The following RGS6 variants were observed in gnomAD, a reference collection of about 807,000 sequenced individuals.
The protein encoded by RGS6 is regulator of G protein signaling 6, also known as regulator of G-protein signaling 6.
In RGS6, 30 loss-of-function variants were observed where a neutral mutation model predicts 78.5. The observed-to-expected ratio is 0.38, with a 90% CI of 0.29 to 0.52. The LOEUF (loss-of-function observed/expected upper bound fraction) is 0.52, where lower values mean the gene tolerates loss of function less well. Ranked by LOEUF, RGS6 falls within the 20% of genes least tolerant of loss-of-function variation. The pLI, the probability that RGS6 is intolerant of heterozygous loss-of-function variation, is 0.85. For synonymous variants in RGS6, 206 were observed against 206.0 expected (o/e 1.00, Z 0.00); for missense variants, 495 against 609.7 (o/e 0.81, Z 1.98).
At chr14:72,382,775 A>T (rs1157491921) in intron 3 of RGS6, among the ~76,000 whole-genome samples, 1 of 152,228 alleles carries the variant, frequency 6.6e-6, no homozygotes, top group Non-Finnish European at 1.5e-5. Flanking sequence ...AGGCTTTAAC[A>T]AGGATACAAT....
chr14:72,041,858 G>T (rs890786449), intron 2 of RGS6, among the ~76,000 whole-genome samples: 3 of 152,082 alleles, frequency 2.0e-5, no homozygotes, highest in African/African-American at 7.2e-5. Context: ...CACCTCCCAG[G>T]AAGATCAAAT....
At chr14:72,589,382 T>C in the RGS6 span, among the ~76,000 whole-genome samples, 1 of 152,076 alleles carries the variant, frequency 6.6e-6, no homozygotes, top group Non-Finnish European at 1.5e-5. Context: ...AAACCCCGTC[T>C]CTACAAAAAA....
At chr14:71,991,230 T>G (rs1008411320) in intron 2 of RGS6, among the ~76,000 whole-genome samples, 1 of 152,216 alleles carries the variant, frequency 6.6e-6, no homozygotes, top group Non-Finnish European at 1.5e-5. Flanking sequence ...CATTGGGTAT[T>G]GCCTCTAAAC....
chr14:72,189,755 T>C (rs1318980323), intron 2 of RGS6, among the ~76,000 whole-genome samples: 1 of 152,108 alleles, frequency 6.6e-6, no homozygotes, highest in Admixed American at 6.6e-5. Context: ...CCCTTTGTAT[T>C]TTCTTTTTTT....
chr14:72,584,849 G>A, the RGS6 span, among the ~76,000 whole-genome samples: 1 of 152,172 alleles, frequency 6.6e-6, no homozygotes, highest in Non-Finnish European at 1.5e-5. Context: ...GGAAGTTGGG[G>A]GGATTGAGTC....
At chr14:71,924,821 A>G in the RGS6 span, among the ~76,000 whole-genome samples, 1 of 152,164 alleles carries the variant, frequency 6.6e-6, no homozygotes, top group Non-Finnish European at 1.5e-5. Flanking sequence ...CCATTCATCC[A>G]CTGATGGACA....
chr14:72,180,441 T>C (rs1273463995), intron 2 of RGS6, among the ~76,000 whole-genome samples: 1 of 152,238 alleles, frequency 6.6e-6, no homozygotes. Context: ...TGAAGGCAAC[T>C]TCGATCTTAA....
At chr14:72,049,174 C>T (rs2093065271) in intron 2 of RGS6, among the ~76,000 whole-genome samples, 1 of 152,166 alleles carries the variant, frequency 6.6e-6, no homozygotes, top group Admixed American at 6.5e-5. Context: ...TTTTGAACTC[C>T]TGCTTTCATG....
intron 17 of RGS6, among the ~76,000 whole-genome samples, chr14:72,555,133 A>C (rs751160111): frequency 1.3e-5 from 2 of 152,190 alleles, no homozygotes; most frequent in African/African-American, 2.4e-5. Context: ...TTTTCATTAG[A>C]GTAAGGCCAC....
intron 3 of RGS6, among the ~76,000 whole-genome samples, chr14:72,366,851 A>G (rs1332733910): frequency 6.6e-6 from 1 of 152,220 alleles, no homozygotes; most frequent in African/African-American, 2.4e-5. Context: ...GAAAGCAGCC[A>G]GATTGTGCAG....
At chr14:71,909,079 A>C in the RGS6 span, among the ~76,000 whole-genome samples, 4 of 152,282 alleles carry the variant, frequency 2.6e-5, no homozygotes. Context: ...TGAAGGATTA[A>C]TGGTCATCTA....
At chr14:72,038,665 A>AT (rs997174290) in intron 2 of RGS6, among the ~76,000 whole-genome samples, 27 of 152,216 alleles carry the variant, frequency 1.8e-4, no homozygotes, top group East Asian at 3.9e-4. Context: ...TTTAAATATC[A>AT]TTTTTGGAGT....
At chr14:72,457,512 T>A (rs1175297539) in intron 4 of RGS6, among the ~76,000 whole-genome samples, 1 of 152,194 alleles carries the variant, frequency 6.6e-6, no homozygotes, top group Non-Finnish European at 1.5e-5. Context: ...TTGCTCAGGC[T>A]TGTCTCAAAC....
chr14:72,079,153 T>C (rs1193624804), intron 2 of RGS6, among the ~76,000 whole-genome samples: 3 of 150,928 alleles, frequency 2.0e-5, no homozygotes, highest in Non-Finnish European at 4.4e-5. Flanking sequence ...GAGAGGATAT[T>C]TAGAGGGCCT....
chr14:72,118,201 G>A (rs1484424426), intron 2 of RGS6, among the ~76,000 whole-genome samples: 1 of 151,784 alleles, frequency 6.6e-6, no homozygotes, highest in Non-Finnish European at 1.5e-5. Context: ...AGCCTCTGGT[G>A]AACATCAGCT....
At chr14:72,203,180 C>T (rs1400253163) in intron 2 of RGS6, among the ~76,000 whole-genome samples, 5 of 152,080 alleles carry the variant, frequency 3.3e-5, no homozygotes, top group African/African-American at 1.2e-4. Flanking sequence ...CTGCCCTGAT[C>T]CTGTTTTTTA....
the RGS6 span, among the ~76,000 whole-genome samples, chr14:72,626,744 G>A: frequency 6.6e-6 from 1 of 151,986 alleles, no homozygotes; most frequent in African/African-American, 2.4e-5. Flanking sequence ...GCTCTGTTAG[G>A]TATTGTCAAA....
At chr14:72,465,368 G>C (rs1278828102) in intron 6 of RGS6, among the ~76,000 whole-genome samples, 2 of 152,162 alleles carry the variant, frequency 1.3e-5, no homozygotes, top group Non-Finnish European at 2.9e-5. Context: ...GAGTTGTCAG[G>C]ATTGGAATAT....
At chr14:72,148,021 T>C (rs887955933) in intron 2 of RGS6, among the ~76,000 whole-genome samples, 4 of 150,912 alleles carry the variant, frequency 2.7e-5, no homozygotes, top group South Asian at 2.1e-4. Context: ...GTCCCAGCTA[T>C]TCAGGAGACT....
Sources: allele counts gnomAD v4.1 joint callset (sites outside exome capture counted in the v4.1 genomes callset), GRCh38; gene constraint gnomAD v4.1.1; transcripts MANE v1.5; gene names NCBI Gene and HGNC (gene_info 2026-07-23, HGNC 2026-07-21).